Variants in AHCYL2 observed in about 807,000 individuals in gnomAD.
The protein encoded by AHCYL2 is S-adenosylhomocysteine hydrolase-like protein 2.
In AHCYL2, 28 loss-of-function variants were observed where a neutral mutation model predicts 81.4. That is an observed-to-expected ratio of 0.34 (90% CI 0.25 to 0.47). The LOEUF is 0.47. AHCYL2 is among the 20% of genes least tolerant of loss of function. The probability of loss-of-function intolerance (pLI) is 1.00; values close to 1 mark genes in which losing one functional copy is unlikely to be tolerated. For missense variants in AHCYL2, 551 were observed against 785.1 expected, an observed-to-expected ratio of 0.70 and a Z score of 3.56; for synonymous variants, 272 against 290.2, an observed-to-expected ratio of 0.94 and a Z score of 0.64.
At chr7:129,319,713 C>T (rs1043515791) in intron 1 of AHCYL2, among the ~76,000 whole-genome samples, 1 of 152,112 alleles carries the variant, frequency 6.6e-6, no homozygotes, top group Non-Finnish European at 1.5e-5. Context: ...CTTCACTCAG[C>T]AAAATTATTT....
chr7:129,346,274 G>A (rs1793359001), intron 1 of AHCYL2, among the ~76,000 whole-genome samples: 1 of 152,108 alleles, frequency 6.6e-6, no homozygotes, highest in Non-Finnish European at 1.5e-5. Flanking sequence ...CCTACTATGT[G>A]CCTTGAGTAG....
intron 12 of AHCYL2, 76 bp downstream of exon 12, chr7:129,413,764 G>T: frequency 2.5e-6 from 3 of 1,214,062 alleles, no homozygotes; most frequent in Non-Finnish European, 2.4e-6. Flanking sequence ...GAGAGAGCAG[G>T]GTCACAAGCC....
At chr7:129,248,161 A>T (rs1795125419) in intron 1 of AHCYL2, among the ~76,000 whole-genome samples, 1 of 152,042 alleles carries the variant, frequency 6.6e-6, no homozygotes, top group Admixed American at 6.6e-5. Flanking sequence ...GCAGATGTGG[A>T]GGTATGTTTC....
chr7:129,297,138 T>C (rs1440795683), intron 1 of AHCYL2, among the ~76,000 whole-genome samples: 1 of 152,178 alleles, frequency 6.6e-6, no homozygotes, highest in Non-Finnish European at 1.5e-5. Flanking sequence ...TGATTGGGGA[T>C]GTGAAAGGTA....
intron 11 of AHCYL2, among the ~76,000 whole-genome samples, chr7:129,412,821 A>AGG (rs1408817276): frequency 3.9e-5 from 6 of 152,022 alleles, no homozygotes; most frequent in African/African-American, 1.4e-4. Context: ...TCTCTGAAGA[A>AGG]ATGTCGATTC....
chr7:129,254,464 A>G (rs531374277), intron 1 of AHCYL2, among the ~76,000 whole-genome samples: 6 of 152,352 alleles, frequency 3.9e-5, no homozygotes, highest in African/African-American at 1.4e-4. Flanking sequence ...TTAATTTTAG[A>G]GAAACTAGCT....
chr7:129,380,153 A>G (rs940933503), intron 2 of AHCYL2, among the ~76,000 whole-genome samples: 1 of 152,084 alleles, frequency 6.6e-6, no homozygotes, highest in Non-Finnish European at 1.5e-5. Flanking sequence ...GGAAACCTCA[A>G]TTGCCCCAAG....
intron 1 of AHCYL2, among the ~76,000 whole-genome samples, chr7:129,238,630 G>A (rs1002514894): frequency 1.3e-5 from 2 of 152,040 alleles, no homozygotes; most frequent in South Asian, 2.1e-4. Context: ...TGAAATTGAG[G>A]TGAAACCCAA....
intron 1 of AHCYL2, among the ~76,000 whole-genome samples, chr7:129,295,094 TCA>T (rs1406991269): frequency 6.6e-6 from 1 of 152,210 alleles, no homozygotes; most frequent in African/African-American, 2.4e-5. Context: ...CATCTGTCAA[TCA>T]CAGTCATTTC....
rs145355839 is a variant in AHCYL2 at position 129,347,383 on chromosome 7, C to T, written c.364-32255C>T. Among the ~76,000 whole-genome samples the T allele has an allele frequency of 3.7e-3, 557 of 152,236 alleles. 3 individuals are homozygous for T. The highest frequency in any genetic ancestry group is 5.1e-3 in the Non-Finnish European group (349 of 68,004). On this transcript the variant is annotated intron_variant, in intron 1 of 16. Transcript: ENST00000325006. ...ACAGTGGGGGAAACTATGTCTTTGA[C>T]GGGCAGAGGGTATATGGGAACTCTC...
At chr7:129,270,316 G>T (rs1795964968) in intron 1 of AHCYL2, among the ~76,000 whole-genome samples, 1 of 152,158 alleles carries the variant, frequency 6.6e-6, no homozygotes, top group Non-Finnish European at 1.5e-5. Flanking sequence ...CAGTTCCAAT[G>T]ATAAAAATAG....
At chr7:129,234,623 T>G (rs1794575013) in intron 1 of AHCYL2, among the ~76,000 whole-genome samples, 1 of 152,102 alleles carries the variant, frequency 6.6e-6, no homozygotes, top group Admixed American at 6.5e-5. Context: ...CCTTTGAAAG[T>G]ACTGGGATTA....
intron 1 of AHCYL2, among the ~76,000 whole-genome samples, chr7:129,345,447 C>T (rs568860473): frequency 2.0e-5 from 3 of 152,110 alleles, no homozygotes; most frequent in Non-Finnish European, 4.4e-5. Context: ...TAATATGAAA[C>T]CTGTCAGCTT....
intron 1 of AHCYL2, among the ~76,000 whole-genome samples, chr7:129,263,859 A>C (rs1941623929): frequency 6.6e-6 from 1 of 152,146 alleles, no homozygotes; most frequent in Non-Finnish European, 1.5e-5. Context: ...TGGCAATAGA[A>C]ATGTGGGATT....
chr7:129,255,868 G>A (rs1383682371), intron 1 of AHCYL2, among the ~76,000 whole-genome samples: 1 of 152,146 alleles, frequency 6.6e-6, no homozygotes, highest in African/African-American at 2.4e-5. Context: ...TTGGGAGGCT[G>A]AAGCAGAATT....
intron 1 of AHCYL2, among the ~76,000 whole-genome samples, chr7:129,275,420 A>G (rs1017850595): frequency 6.6e-6 from 1 of 152,188 alleles, no homozygotes; most frequent in Non-Finnish European, 1.5e-5. Context: ...AAAAAAATAA[A>G]AAAATAACTG....
chr7:129,292,778 CAAAG>C (rs947001862), intron 1 of AHCYL2, among the ~76,000 whole-genome samples: 33 of 150,484 alleles, frequency 2.2e-4, no homozygotes, highest in Admixed American at 3.3e-4. Context: ...AAAAAAAAAA[CAAAG>C]AAAGTAAGTT....
chr7:129,375,453 G>A (rs1254324442), intron 1 of AHCYL2, among the ~76,000 whole-genome samples: 1 of 152,178 alleles, frequency 6.6e-6, no homozygotes, highest in Non-Finnish European at 1.5e-5. Flanking sequence ...AGGTAAGGTT[G>A]AAAAGGAACC....
chr7:129,240,673 G>T (rs1794819803), intron 1 of AHCYL2, among the ~76,000 whole-genome samples: 1 of 151,694 alleles, frequency 6.6e-6, no homozygotes, highest in Admixed American at 6.6e-5. Flanking sequence ...TTGCATCCTA[G>T]ATTGCTGGTT....
Sources: gnomAD v4.1 joint callset for allele counts (sites outside exome capture counted in the v4.1 genomes callset) on GRCh38, gnomAD v4.1.1 for gene constraint, MANE v1.5 for transcripts, NCBI Gene and HGNC (gene_info 2026-07-23, HGNC 2026-07-21) for gene names.